MACROD2: variants seen among roughly 807,000 people sequenced by gnomAD.
MACROD2 encodes the protein mono-ADP ribosylhydrolase 2.
In MACROD2, 36 loss-of-function variants were observed where a neutral mutation model predicts 70.4. That is an observed-to-expected ratio of 0.51 (90% CI 0.39 to 0.68). The LOEUF is 0.68. Ranked by LOEUF, MACROD2 falls within the 30% of genes least tolerant of loss-of-function variation. The pLI is 0.00. For synonymous variants in MACROD2, 172 were observed against 178.8 expected (o/e 0.96, Z 0.30); for missense variants, 496 against 538.4 (o/e 0.92, Z 0.78).
intron 3 of MACROD2, among the ~76,000 whole-genome samples, chr20:14,215,286 A>T (rs1002589127): frequency 1.3e-5 from 2 of 150,552 alleles, no homozygotes; most frequent in African/African-American, 2.4e-5. Flanking sequence ...TCTATCATAT[A>T]TGTTCCATCA....
chr20:15,965,038 T>C (rs6131748), intron 12 of MACROD2, among the ~76,000 whole-genome samples: 19,252 of 152,166 alleles, frequency 0.13, 1,318 homozygotes, highest in East Asian at 0.25. Context: ...TATACTGCAA[T>C]GGCATGTTTC....
At chr20:14,205,712 T>G (rs1250403142) in intron 3 of MACROD2, among the ~76,000 whole-genome samples, 1 of 152,172 alleles carries the variant, frequency 6.6e-6, no homozygotes, top group Non-Finnish European at 1.5e-5. Context: ...GTTCTCTGCC[T>G]CCTGTCTCTG....
chr20:14,233,709 A>G (rs1434350173), intron 3 of MACROD2, among the ~76,000 whole-genome samples: 6 of 144,676 alleles, frequency 4.1e-5, no homozygotes, highest in African/African-American at 1.0e-4. Flanking sequence ...AAAAAAAAAA[A>G]AAAAGAAAAG....
At chr20:15,952,613 C>G (rs969973117) in intron 12 of MACROD2, among the ~76,000 whole-genome samples, 8 of 152,108 alleles carry the variant, frequency 5.3e-5, no homozygotes, top group African/African-American at 1.9e-4. Context: ...CCCTTTCGCA[C>G]GTACATCTCC....
intron 5 of MACROD2, among the ~76,000 whole-genome samples, chr20:14,746,531 G>T (rs1042598866): frequency 1.3e-5 from 2 of 152,122 alleles, no homozygotes; most frequent in Non-Finnish European, 2.9e-5. Flanking sequence ...CTGTGTCTGT[G>T]TGTATAGCCT....
intron 5 of MACROD2, among the ~76,000 whole-genome samples, chr20:15,057,355 T>C (rs1311693580): frequency 1.3e-5 from 2 of 152,164 alleles, no homozygotes; most frequent in African/African-American, 4.8e-5. Context: ...TCTCCTTGGT[T>C]ATTAAAAAGT....
At chr20:15,100,944 A>G (rs115990828) in intron 5 of MACROD2, among the ~76,000 whole-genome samples, 1 of 152,150 alleles carries the variant, frequency 6.6e-6, no homozygotes, top group Non-Finnish European at 1.5e-5. Flanking sequence ...AGCCACCAAG[A>G]AAGATTCTCT....
chr20:15,278,812 T>C (rs914806974), intron 6 of MACROD2, among the ~76,000 whole-genome samples: 3 of 152,226 alleles, frequency 2.0e-5, no homozygotes, highest in Non-Finnish European at 4.4e-5. Flanking sequence ...TGGTCTTCAT[T>C]AGGCATTAAA....
intron 4 of MACROD2, among the ~76,000 whole-genome samples, chr20:14,667,827 T>A (rs1431106557): frequency 1.3e-5 from 2 of 152,160 alleles, no homozygotes; most frequent in Non-Finnish European, 1.5e-5. Context: ...TCTGCCCCTG[T>A]ATTTTAAATT....
intron 5 of MACROD2, among the ~76,000 whole-genome samples, chr20:15,198,799 G>A (rs889248704): frequency 6.6e-6 from 1 of 152,166 alleles, no homozygotes; most frequent in African/African-American, 2.4e-5. Context: ...TCCGTAGAGT[G>A]TAGCAATCTG....
intron 6 of MACROD2, among the ~76,000 whole-genome samples, chr20:15,416,148 C>T (rs1302790800): frequency 6.6e-6 from 1 of 152,178 alleles, no homozygotes. Flanking sequence ...TCTTTTTGCT[C>T]ATTTCCATAA....
chr20:14,145,028 C>A (rs1189265194), intron 3 of MACROD2, among the ~76,000 whole-genome samples: 1 of 152,136 alleles, frequency 6.6e-6, no homozygotes, highest in African/African-American at 2.4e-5. Flanking sequence ...GAGAAGATAT[C>A]CTCTGGATTT....
At chr20:15,724,339 A>G (rs528267888) in intron 8 of MACROD2, among the ~76,000 whole-genome samples, 2 of 152,288 alleles carry the variant, frequency 1.3e-5, no homozygotes, top group African/African-American at 4.8e-5. Flanking sequence ...CTGATGAGTC[A>G]TTGTCATACC....
chr20:15,664,091 C>T (rs967146713), intron 8 of MACROD2, among the ~76,000 whole-genome samples: 12 of 152,198 alleles, frequency 7.9e-5, no homozygotes, highest in African/African-American at 2.9e-4. Context: ...CAATTTAGAT[C>T]AGCATTAAAC....
At chr20:14,343,867 C>G (rs1174577516) in intron 3 of MACROD2, among the ~76,000 whole-genome samples, 3 of 152,200 alleles carry the variant, frequency 2.0e-5, no homozygotes, top group Admixed American at 6.5e-5. Context: ...GTGATTTTCT[C>G]TGTGTAGCCA....
intron 3 of MACROD2, among the ~76,000 whole-genome samples, chr20:14,175,644 G>A (rs551012429): frequency 1.3e-5 from 2 of 152,286 alleles, no homozygotes; most frequent in East Asian, 3.9e-4. Context: ...ATATTTTCCT[G>A]CCCCCAAGTG....
chr20:15,120,698 T>C lies in MACROD2; in HGVS notation c.419-109242T>C, dbSNP rs1468322690. ...CCTTCATGTTACTGTTCCATCTTTC[T>C]TTCTGCCCTTTGCTGATCATCTAAA... On this transcript the variant is annotated intron_variant, in intron 5 of 17. Coordinates refer to ENST00000684519, the MANE Select transcript of MACROD2 (RefSeq NM_001351661.2). Among the ~76,000 whole-genome samples the C allele has an allele frequency of 2.0e-5, 3 of 152,232 alleles. No individual in the cohort carries two copies. In the East Asian group the frequency reaches 5.8e-4, roughly 29 times the overall value.
intron 5 of MACROD2, among the ~76,000 whole-genome samples, chr20:14,990,296 T>C (rs2074889798): frequency 6.6e-6 from 1 of 152,092 alleles, no homozygotes; most frequent in Non-Finnish European, 1.5e-5. Context: ...TGAATAATGC[T>C]GCAAAAGGTG....
chr20:14,854,800 A>G (rs563608576), intron 5 of MACROD2, among the ~76,000 whole-genome samples: 1 of 152,234 alleles, frequency 6.6e-6, no homozygotes, highest in Admixed American at 6.5e-5. Context: ...GTGGATCACA[A>G]GGCCAGGAGA....
Sources: gnomAD v4.1 joint callset for allele counts (sites outside exome capture counted in the v4.1 genomes callset) on GRCh38, gnomAD v4.1.1 for gene constraint, MANE v1.5 for transcripts, NCBI Gene and HGNC (gene_info 2026-07-23, HGNC 2026-07-21) for gene names.